ADGRB3: variants seen among roughly 807,000 people sequenced by gnomAD.
ADGRB3 encodes brain-specific angiogenesis inhibitor 3.
In ADGRB3, 37 loss-of-function variants were observed where a neutral mutation model predicts 193.4. That is an observed-to-expected ratio of 0.19 (90% CI 0.15 to 0.25). The LOEUF (loss-of-function observed/expected upper bound fraction) is 0.25, where lower values mean the gene tolerates loss of function less well. ADGRB3 is among the 10% of genes least tolerant of loss of function. The pLI, the probability that ADGRB3 is intolerant of heterozygous loss-of-function variation, is 1.00. For missense variants in ADGRB3, 1,637 were observed against 1,852.9 expected, an observed-to-expected ratio of 0.88 and a Z score of 2.14; for synonymous variants, 690 against 644.2, an observed-to-expected ratio of 1.07 and a Z score of -1.08.
intron 3 of ADGRB3, among the ~76,000 whole-genome samples, chr6:68,826,103 T>A (rs543179738): frequency 6.6e-6 from 1 of 152,212 alleles, no homozygotes; most frequent in East Asian, 1.9e-4. Context: ...TTCTAAGTGC[T>A]AGGAACACAA....
At chr6:69,195,849 C>A (rs188087769) in intron 17 of ADGRB3, among the ~76,000 whole-genome samples, 1 of 152,034 alleles carries the variant, frequency 6.6e-6, no homozygotes, top group East Asian at 1.9e-4. Flanking sequence ...TTTTATACTA[C>A]GCAAAAGCAT....
At chr6:68,862,264 T>C (rs1322172695) in intron 3 of ADGRB3, among the ~76,000 whole-genome samples, 3 of 152,136 alleles carry the variant, frequency 2.0e-5, no homozygotes, top group Admixed American at 6.5e-5. Flanking sequence ...TTTGATGTAG[T>C]CAAAAGTTGT....
intron 20 of ADGRB3, among the ~76,000 whole-genome samples, chr6:69,264,099 C>G (rs1766984197): frequency 6.6e-6 from 1 of 151,902 alleles, no homozygotes; most frequent in Non-Finnish European, 1.5e-5. Context: ...CACTCCTTAT[C>G]CTCATTTTTT....
At chr6:69,098,222 G>A (rs746335829) in intron 17 of ADGRB3, among the ~76,000 whole-genome samples, 11 of 152,194 alleles carry the variant, frequency 7.2e-5, no homozygotes, top group Non-Finnish European at 1.2e-4. Context: ...ACAGGTGTGA[G>A]CCATTGCACC....
Position 69,361,522 on chromosome 6 carries a change from A to C in ADGRB3, c.4239+10A>C. ...AATGAGTTCTTTAGAGGTGAGCCAC[A>C]GAAGATTAAATTTTTCCTTGATAGT... On this transcript the variant is annotated intron_variant, in intron 29 of 31. Transcript: ENST00000370598. 4 of 1,600,744 alleles carry C rather than the reference A, an allele frequency of 2.5e-6. No individual in the cohort carries two copies. The highest frequency in any genetic ancestry group is 3.4e-6 in the Non-Finnish European group (4 of 1,172,762).
intron 3 of ADGRB3, among the ~76,000 whole-genome samples, chr6:68,842,088 T>G (rs1768169633): frequency 1.3e-5 from 2 of 152,036 alleles, no homozygotes; most frequent in Non-Finnish European, 2.9e-5. Context: ...ATGATGTAAT[T>G]ATCATACATT....
At chr6:68,955,889 G>T (rs558869261) in intron 6 of ADGRB3, 135 bp from the exon 7 acceptor site, 1 of 744,500 alleles carries the variant, frequency 1.3e-6, no homozygotes, top group African/African-American at 1.8e-5. Flanking sequence ...TCTCATGCTG[G>T]TGTGACCTTC....
intron 3 of ADGRB3, among the ~76,000 whole-genome samples, chr6:68,826,665 T>C (rs899181879): frequency 6.6e-6 from 1 of 152,166 alleles, no homozygotes; most frequent in Non-Finnish European, 1.5e-5. Context: ...CAGGAGGCTA[T>C]TATAGCAACC....
At position 69,246,459 on chromosome 6, in the gene ADGRB3, A is replaced by G. The variant is rs3799069; in HGVS notation, c.2814+7233A>G. 3.3e-5 allele frequency among the ~76,000 whole-genome samples: 5 copies of G among 152,156 alleles called. No homozygotes were observed. The East Asian group carries it at 9.6e-4, about 29-fold the overall frequency. On this transcript the variant is annotated intron_variant, in intron 20 of 31. Transcript: ENST00000370598. The stretch of plus-strand genomic sequence containing the variant: ...GAAAACCTTCATCAAACCAAGGAGC[A>G]TAATGGTTGGCTAGCTTCTTGATTT...
rs1767704697 is a variant in ADGRB3 at position 68,943,918 on chromosome 6, A to G, written c.1119A>G (p.Thr373=). Residue 373 remains threonine, a synonymous_variant, in exon 6 of 32, where the codon ACA becomes ACG. Transcript: ENST00000370598. ...AAAGAACAAGAACAAGGTCATGCAC[A>G]CCTCCTCAGTATGGAGGAAGGCCGT... ...RGQRTRTRSC[T]PPQYGGRPCE... is the part of the protein sequence containing the mutation. 4 of 1,613,738 alleles carry G rather than the reference A, an allele frequency of 2.5e-6. No individual in the cohort carries two copies. Among genetic ancestry groups the G allele is most frequent in the Non-Finnish European group, 2.5e-6 (3 of 1,179,834 alleles).
intron 10 of ADGRB3, among the ~76,000 whole-genome samples, chr6:68,991,186 C>G (rs1372245426): frequency 1.3e-5 from 2 of 152,094 alleles, no homozygotes; most frequent in Non-Finnish European, 2.9e-5. Context: ...TTACATCTTT[C>G]AAGTGTGCCT....
intron 8 of ADGRB3, among the ~76,000 whole-genome samples, chr6:68,964,582 T>C (rs894861538): frequency 6.6e-6 from 1 of 152,188 alleles, no homozygotes; most frequent in Non-Finnish European, 1.5e-5. Flanking sequence ...CATACCCCAG[T>C]ATAAAATTCA....
chr6:68,846,991 G>A (rs568500026), intron 3 of ADGRB3, among the ~76,000 whole-genome samples: 1 of 152,292 alleles, frequency 6.6e-6, no homozygotes, highest in Admixed American at 6.5e-5. Flanking sequence ...GGCTGGAGCT[G>A]CCCAAGACCA....
Position 68,840,768 on chromosome 6 carries a change from G to A in ADGRB3, c.758-89791G>A, listed in dbSNP as rs57052111. ...ATCCTTACTTATGAATAATAACATTGAATGTAGATGGACTAAACTCTCCAA... is the reference window on the plus strand; with the variant it reads ...ATCCTTACTTATGAATAATAACATTAAATGTAGATGGACTAAACTCTCCAA... On this transcript the variant is annotated intron_variant, in intron 3 of 31. Transcript: ENST00000370598. Among the ~76,000 whole-genome samples, 831 of 152,172 alleles carry A rather than the reference G, an allele frequency of 5.5e-3. 9 individuals are homozygous for A. Among genetic ancestry groups the A allele is most frequent in the African/African-American group, 0.019 (795 of 41,510 alleles).
chr6:69,122,819 T>C (rs925079457), intron 17 of ADGRB3, among the ~76,000 whole-genome samples: 4 of 152,090 alleles, frequency 2.6e-5, no homozygotes, highest in African/African-American at 9.7e-5. Flanking sequence ...AGAACAAAGC[T>C]GGTTTCAAAC....
chr6:68,723,515 T>C (rs1048943469), intron 3 of ADGRB3, among the ~76,000 whole-genome samples: 1 of 151,772 alleles, frequency 6.6e-6, no homozygotes, highest in African/African-American at 2.4e-5. Context: ...ATAAATTTTT[T>C]CTGCCTCACA....
At position 68,835,955 on chromosome 6, in the gene ADGRB3, C is replaced by T. The variant is rs1768037355; in HGVS notation, c.758-94604C>T. The stretch of plus-strand genomic sequence containing the variant: ...GTGGATCCTGGGACTAGGCCTATAT[C>T]AAGACCTCCACTCTACAAGGAGACC... On this transcript the variant is annotated intron_variant, in intron 3 of 31. Coordinates refer to ENST00000370598, the MANE Select transcript of ADGRB3 (RefSeq NM_001704.3). Among the ~76,000 whole-genome samples the T allele has an allele frequency of 2.0e-5, 3 of 152,110 alleles. No homozygotes were observed. The South Asian group carries it at 6.2e-4, about 31-fold the overall frequency.
At chr6:68,857,899 G>A (rs1294660318) in intron 3 of ADGRB3, among the ~76,000 whole-genome samples, 4 of 152,120 alleles carry the variant, frequency 2.6e-5, no homozygotes, top group African/African-American at 4.8e-5. Flanking sequence ...ATGTGGGTGG[G>A]TCTTTCTTGT....
intron 3 of ADGRB3, among the ~76,000 whole-genome samples, chr6:68,851,342 G>T (rs1768398110): frequency 6.6e-6 from 1 of 151,522 alleles, no homozygotes. Flanking sequence ...GACACTGTTG[G>T]TAATATTTTT....
Sources: allele counts gnomAD v4.1 joint callset (sites outside exome capture counted in the v4.1 genomes callset), GRCh38; gene constraint gnomAD v4.1.1; transcripts MANE v1.5; gene names NCBI Gene and HGNC (gene_info 2026-07-23, HGNC 2026-07-21).